AGAP1: variants seen among roughly 807,000 people sequenced by gnomAD.
AGAP1 encodes the protein arf-GAP with GTPase, ANK repeat and PH domain-containing protein 1.
Under a neutral mutation model 105.3 loss-of-function variants are expected in AGAP1, and 29 were observed. The ratio of observed to expected loss-of-function variants is 0.28; its 90% confidence interval spans 0.21 to 0.38. The LOEUF is 0.38. Ranked by LOEUF, AGAP1 falls within the 10% of genes least tolerant of loss-of-function variation. The probability of loss-of-function intolerance (pLI) is 1.00; values close to 1 mark genes in which losing one functional copy is unlikely to be tolerated. For synonymous variants in AGAP1, 509 were observed against 485.9 expected (o/e 1.05, Z -0.63); for missense variants, 998 against 1,165.1 (o/e 0.86, Z 2.09).
intron 13 of AGAP1, among the ~76,000 whole-genome samples, chr2:235,980,992 T>C (rs867994706): frequency 2.0e-5 from 3 of 152,352 alleles, no homozygotes; most frequent in Middle Eastern, 3.4e-3. Context: ...CTCCTCCTGT[T>C]ATGCTCTTAA....
At chr2:235,796,659 G>A (rs1017516939) in intron 6 of AGAP1, among the ~76,000 whole-genome samples, 1 of 152,126 alleles carries the variant, frequency 6.6e-6, no homozygotes, top group Non-Finnish European at 1.5e-5. Flanking sequence ...TATTAAAATT[G>A]TATTCATTTG....
At position 235,737,277 on chromosome 2, in the gene AGAP1, G is replaced by GA. The variant is rs1280974176; in HGVS notation, c.311-3678dup. Among the ~76,000 whole-genome samples, 4 of 151,918 alleles carry GA rather than the reference G, an allele frequency of 2.6e-5. No individual in the cohort carries two copies. Among genetic ancestry groups the GA allele is most frequent in the South Asian group, 2.1e-4 (1 of 4,806 alleles). ...TTGCTTTCTGATTTAAGTGTAATAC[G>GA]AAAAAAAATCATGCAAATCAATTAC... On this transcript the variant is annotated intron_variant, in intron 3 of 17. Coordinates refer to ENST00000304032, the MANE Select transcript of AGAP1 (RefSeq NM_001037131.3). The surrounding 1 kb of genome is among the most constrained non-coding windows in gnomAD (Gnocchi z 4.5).
intron 16 of AGAP1, chr2:236,072,158 G>T (rs1417172044): frequency 7.3e-6 from 1 of 136,160 alleles, no homozygotes; most frequent in Non-Finnish European, 1.5e-5. Flanking sequence ...TAGAGATAAG[G>T]TCACCGGGCA....
rs1352412365 is a variant in AGAP1, at chr2:236,036,795, GA to G, written c.1800+84del. On this transcript the variant is annotated intron_variant, in intron 14 of 17. Coordinates refer to ENST00000304032, the MANE Select transcript of AGAP1 (RefSeq NM_001037131.3). The surrounding 1 kb of genome is among the most constrained non-coding windows in gnomAD (Gnocchi z 5.7). ...GCCCCAAGTAATGCCCCAGGGAGGAGAAAATAGAGGACCAGTGTGAATGACA... is the reference window on the plus strand; with the variant it reads ...GCCCCAAGTAATGCCCCAGGGAGGAGAAATAGAGGACCAGTGTGAATGACA... 3.1e-5 allele frequency: 48 copies of G among 1,563,316 alleles called. No homozygotes were observed. The highest frequency in any genetic ancestry group is 4.1e-5 in the Non-Finnish European group (47 of 1,159,882).
rs764142739 is a variant in AGAP1, at chr2:236,066,290, A to G, written c.2114+17009A>G. Among the ~76,000 whole-genome samples, 6 of 152,158 alleles carry G rather than the reference A, an allele frequency of 3.9e-5. No homozygotes were observed. The East Asian group carries it at 7.7e-4, about 20-fold the overall frequency. ...TCGCCCTAGCTGGTGCAGTGGCACA[A>G]TCTCAGTTCACTGCAACCTCTGCCT... On this transcript the variant is annotated intron_variant, in intron 16 of 17. Coordinates refer to ENST00000304032, the MANE Select transcript of AGAP1 (RefSeq NM_001037131.3).
intron 1 of AGAP1, among the ~76,000 whole-genome samples, chr2:235,581,811 A>G (rs1343921710): frequency 6.6e-6 from 1 of 152,212 alleles, no homozygotes; most frequent in South Asian, 2.1e-4. Flanking sequence ...TCTTCAAAAA[A>G]AAAGAAAGAA....
At chr2:235,852,460 T>C (rs993084355) in intron 9 of AGAP1, among the ~76,000 whole-genome samples, 1 of 152,182 alleles carries the variant, frequency 6.6e-6, no homozygotes, top group African/African-American at 2.4e-5. Context: ...ATGGGTGCCT[T>C]TGGAGATCTT....
Position 236,009,461 on chromosome 2 carries a change from C to T in AGAP1, c.1646-27100C>T, listed in dbSNP as rs2056435573. On this transcript the variant is annotated intron_variant, in intron 13 of 17. Transcript: ENST00000304032. The surrounding 1 kb of genome is among the most constrained non-coding windows in gnomAD (Gnocchi z 4.2). ...ACACTCCAAGGAGCAGAGACGCTCC[C>T]CTCTGCAACAGTGACATTTATACTG... Among the ~76,000 whole-genome samples, 1 of 152,140 alleles carries T rather than the reference C, an allele frequency of 6.6e-6. No homozygotes were observed.
intron 3 of AGAP1, chr2:235,718,241 G>A (rs192057440): frequency 1.6e-5 from 5 of 306,606 alleles, no homozygotes; most frequent in South Asian, 1.3e-4. Flanking sequence ...TTTAGCTCCC[G>A]TGTCCCCTAA....
In AGAP1 at chr2:235,734,299, C is replaced by G. The variant is rs996512438; in HGVS notation, c.311-6664C>G. 1.2e-4 allele frequency among the ~76,000 whole-genome samples: 19 copies of G among 152,234 alleles called. No homozygotes were observed. Among genetic ancestry groups the G allele is most frequent in the African/African-American group, 4.1e-4 (17 of 41,562 alleles). ...TGGCCGAAAGGGACCCAGGACCTGC[C>G]AGCCATGCTCCTCCTGTCTTTCTCC... is the stretch of plus-strand genomic sequence containing the variant. On this transcript the variant is annotated intron_variant, in intron 3 of 17. Coordinates refer to ENST00000304032, the MANE Select transcript of AGAP1 (RefSeq NM_001037131.3). The surrounding 1 kb of genome is among the most constrained non-coding windows in gnomAD (Gnocchi z 5.3).
At chr2:235,969,512 AT>A (rs2054552634) in intron 13 of AGAP1, among the ~76,000 whole-genome samples, 1 of 152,214 alleles carries the variant, frequency 6.6e-6, no homozygotes, top group Non-Finnish European at 1.5e-5. Flanking sequence ...TGAGGGTCTC[AT>A]GCCCAGGGGC....
At chr2:235,924,499 A>G (rs371661530) in intron 11 of AGAP1, among the ~76,000 whole-genome samples, 67 of 152,296 alleles carry the variant, frequency 4.4e-4, no homozygotes, top group East Asian at 2.9e-3. Context: ...TAGAAGGTCA[A>G]TGTTAGAATA....
In AGAP1 at chr2:235,674,659, G is replaced by C. The variant is rs550965843; in HGVS notation, c.164-34520G>C. On this transcript the variant is annotated intron_variant, in intron 1 of 17. Transcript: ENST00000304032. ...TTGTTCTTTAATTTCTGATTCCCTTGATTTGTATCAGTCAATTACTGTAGG... is the reference window on the plus strand; with the variant it reads ...TTGTTCTTTAATTTCTGATTCCCTTCATTTGTATCAGTCAATTACTGTAGG... 2.0e-5 allele frequency among the ~76,000 whole-genome samples: 3 copies of C among 149,638 alleles called. No homozygotes were observed. In the East Asian group the frequency reaches 5.9e-4, roughly 29 times the overall value.
In AGAP1 at chr2:236,096,389, T is replaced by G. The variant is rs2059192130; in HGVS notation, c.2115-23803T>G. On this transcript the variant is annotated intron_variant, in intron 16 of 17. Transcript: ENST00000304032. The surrounding 1 kb of genome is among the most constrained non-coding windows in gnomAD (Gnocchi z 4.4). ...GGTGGTGTGCACCCATAATCCCAACTACTTGGGAAGCTGAGGCAAGAGAAT... is the reference window on the plus strand; with the variant it reads ...GGTGGTGTGCACCCATAATCCCAACGACTTGGGAAGCTGAGGCAAGAGAAT... Among the ~76,000 whole-genome samples, 1 of 151,130 alleles carries G rather than the reference T, an allele frequency of 6.6e-6. No homozygotes were observed. The highest frequency in any genetic ancestry group is 6.6e-5 in the Admixed American group (1 of 15,134).
chr2:235,972,155 G>A (rs1192987970), intron 13 of AGAP1, among the ~76,000 whole-genome samples: 1 of 152,158 alleles, frequency 6.6e-6, no homozygotes, highest in Non-Finnish European at 1.5e-5. Flanking sequence ...TCTGTGACTG[G>A]TTACTACTAG....
At chr2:236,093,764 C>T (rs1247064442) in intron 16 of AGAP1, among the ~76,000 whole-genome samples, 2 of 124,382 alleles carry the variant, frequency 1.6e-5, no homozygotes, top group Admixed American at 7.9e-5. Flanking sequence ...ACCATAATCC[C>T]AAGTATTGAA....
At chr2:235,522,325 C>T (rs1318815873) in intron 1 of AGAP1, among the ~76,000 whole-genome samples, 1 of 152,132 alleles carries the variant, frequency 6.6e-6, no homozygotes, top group Non-Finnish European at 1.5e-5. Flanking sequence ...GGAGTGGGCA[C>T]ATTGGACTTA....
chr2:235,858,405 AT>A (rs11355413), intron 9 of AGAP1, among the ~76,000 whole-genome samples: 152,352 of 152,354 alleles, frequency 1, 76,175 homozygotes, highest in Non-Finnish European at 1. Context: ...ACTTATAAAA[AT>A]GTCAGCCTGT....
At chr2:235,756,300 T>C (rs568010542) in intron 6 of AGAP1, among the ~76,000 whole-genome samples, 1 of 152,250 alleles carries the variant, frequency 6.6e-6, no homozygotes, top group East Asian at 1.9e-4. Flanking sequence ...TCAGGGTTTT[T>C]TTGTTGGTTT....
Sources: allele counts gnomAD v4.1 joint callset (sites outside exome capture counted in the v4.1 genomes callset), GRCh38; gene constraint gnomAD v4.1.1; non-coding constraint Gnocchi (gnomAD v3.1); transcripts MANE v1.5; gene names NCBI Gene and HGNC (gene_info 2026-07-23, HGNC 2026-07-21).